PDE10A: variants seen among roughly 807,000 people sequenced by gnomAD.
The protein encoded by PDE10A is phosphodiesterase 10A, also known as cAMP and cAMP-inhibited cGMP 3',5'-cyclic phosphodiesterase 10A.
In PDE10A, 39 loss-of-function variants were observed where a neutral mutation model predicts 97.7. The ratio of observed to expected loss-of-function variants is 0.40; its 90% CI spans 0.31 to 0.52. The LOEUF (loss-of-function observed/expected upper bound fraction) is 0.52. Among genes scored for constraint, PDE10A ranks in the 20% least tolerant of loss-of-function variants. PDE10A has a pLI of 0.56. For missense variants in PDE10A, 731 were observed against 1,047.8 expected, an observed-to-expected ratio of 0.70 and a Z score of 4.17; for synonymous variants, 371 against 376.8, an observed-to-expected ratio of 0.98 and a Z score of 0.18.
intron 1 of PDE10A, among the ~76,000 whole-genome samples, chr6:165,689,928 AT>A (rs1457014298): frequency 6.6e-6 from 1 of 152,200 alleles, no homozygotes; most frequent in Non-Finnish European, 1.5e-5. Flanking sequence ...AGCACTCAGC[AT>A]GTATCCGTGA....
chr6:165,765,278 TG>T (rs1282060187), intron 1 of PDE10A, among the ~76,000 whole-genome samples: 1 of 152,266 alleles, frequency 6.6e-6, no homozygotes, highest in Non-Finnish European at 1.5e-5. Context: ...TCCCACGCCA[TG>T]CGCTCTCACT....
intron 1 of PDE10A, among the ~76,000 whole-genome samples, chr6:165,697,067 A>C (rs1791460464): frequency 6.6e-6 from 1 of 152,192 alleles, no homozygotes. Flanking sequence ...AACATACCCA[A>C]ATACATATCA....
chr6:165,872,697 T>C (rs1781236653), intron 1 of PDE10A, among the ~76,000 whole-genome samples: 1 of 152,180 alleles, frequency 6.6e-6, no homozygotes, highest in African/African-American at 2.4e-5. Flanking sequence ...CAAAAAGCAC[T>C]TTATTTCATA....
Position 165,969,968 on chromosome 6 carries a change from C to T in PDE10A, c.-615+17561G>A, listed in dbSNP as rs74650926. Among the ~76,000 whole-genome samples, 41 of 151,528 alleles carry T rather than the reference C, an allele frequency of 2.7e-4. No homozygotes were observed. In the East Asian group the frequency reaches 6.9e-3, roughly 26 times the overall value. On this transcript the variant is annotated intron_variant, in intron 1 of 19. Coordinates refer to the PDE10A transcript ENST00000366882. ...GACAAAGGGAAAGAGTGTAATTTTA[C>T]AGTGGAGACTGTTGGAAGACACTAA...
At chr6:165,858,530 T>C (rs1780812787) in intron 1 of PDE10A, among the ~76,000 whole-genome samples, 1 of 152,174 alleles carries the variant, frequency 6.6e-6, no homozygotes, top group South Asian at 2.1e-4. Flanking sequence ...TGGGGGTGAG[T>C]GCTCCATCCC....
chr6:165,669,179 ACT>A (rs1344599106), intron 1 of PDE10A, among the ~76,000 whole-genome samples: 1 of 152,166 alleles, frequency 6.6e-6, no homozygotes, highest in African/African-American at 2.4e-5. Flanking sequence ...GAGGAAAATA[ACT>A]CACAGAAGCC....
At chr6:165,335,842 GCCC>G (rs897077090) in intron 21 of PDE10A, among the ~76,000 whole-genome samples, 1 of 151,594 alleles carries the variant, frequency 6.6e-6, no homozygotes, top group Non-Finnish European at 1.5e-5. Flanking sequence ...TCTGGCCCCA[GCCC>G]CCAGCCTGTT....
intron 1 of PDE10A, among the ~76,000 whole-genome samples, chr6:165,622,995 C>T (rs556046572): frequency 4.6e-5 from 7 of 152,294 alleles, no homozygotes; most frequent in African/African-American, 1.4e-4. Flanking sequence ...AGGTGACGCA[C>T]CTGCTCCCGC....
chr6:165,335,059 G>T (rs574550715), intron 21 of PDE10A, among the ~76,000 whole-genome samples: 2 of 152,282 alleles, frequency 1.3e-5, no homozygotes, highest in Non-Finnish European at 1.5e-5. Context: ...ACCTAGAAAA[G>T]ACTCACACGC....
At chr6:165,468,329 C>T (rs1300550749) in intron 3 of PDE10A, among the ~76,000 whole-genome samples, 1 of 151,688 alleles carries the variant, frequency 6.6e-6, no homozygotes, top group Admixed American at 6.6e-5. Context: ...ACCTCGTGAT[C>T]CGCCCGCCTC....
intron 18 of PDE10A, among the ~76,000 whole-genome samples, chr6:165,372,027 AC>A (rs1191929003): frequency 5.5e-4 from 83 of 150,116 alleles, no homozygotes; most frequent in African/African-American, 1.9e-3. Context: ...AAATTCAACA[AC>A]CCTTCATGCT....
intron 1 of PDE10A, among the ~76,000 whole-genome samples, chr6:165,833,724 C>T (rs1779990051): frequency 6.6e-6 from 1 of 152,218 alleles, no homozygotes; most frequent in African/African-American, 2.4e-5. Context: ...TGATCATGCA[C>T]ACCTGGATTG....
chr6:165,875,746 T>TTTTTTTTTTTTTTTTTGTG (rs780504850), intron 1 of PDE10A, among the ~76,000 whole-genome samples: 25 of 147,000 alleles, frequency 1.7e-4, no homozygotes, highest in African/African-American at 5.5e-4. Context: ...TTTTTTTTTT[T>TTTTTTTTTTTTTTTTTGTG]TGTGTGTGTG....
At chr6:165,528,571 G>C (rs680963) in intron 2 of PDE10A, among the ~76,000 whole-genome samples, 1 of 152,052 alleles carries the variant, frequency 6.6e-6, no homozygotes, top group Admixed American at 6.5e-5. Context: ...CAATGGAATA[G>C]ACACTTACTC....
intron 1 of PDE10A, among the ~76,000 whole-genome samples, chr6:165,551,465 CTAAG>C (rs1231920130): frequency 2.0e-5 from 3 of 152,280 alleles, no homozygotes; most frequent in East Asian, 1.9e-4. Flanking sequence ...CCTCAGAGAA[CTAAG>C]TATGTGGCAC....
rs754108870 is a variant in PDE10A at position 165,756,043 on chromosome 6, G to A, written c.-614-212475C>T. Among the ~76,000 whole-genome samples the A allele has an allele frequency of 2.6e-5, 4 of 152,200 alleles. No homozygotes were observed. The East Asian group carries it at 5.8e-4, about 22-fold the overall frequency. On this transcript the variant is annotated intron_variant, in intron 1 of 19. Transcript: ENST00000366882. The stretch of plus-strand genomic sequence containing the variant: ...TGGCTCAGCGTCCTAAACAAATCCC[G>A]CACTGAATGCAGCCCAAACAACTCA...
intron 1 of PDE10A, chr6:165,781,568 T>C (rs758947966): frequency 2.0e-5 from 3 of 152,218 alleles, no homozygotes; most frequent in East Asian, 1.9e-4. Context: ...TTACCTCACA[T>C]GGCAAAGGAG....
intron 1 of PDE10A, among the ~76,000 whole-genome samples, chr6:165,747,759 A>G (rs1409303981): frequency 2.6e-5 from 4 of 152,142 alleles, no homozygotes; most frequent in Non-Finnish European, 5.9e-5. Context: ...GCTGGGCAGG[A>G]CCTGGTGAAG....
upstream of PDE10A, among the ~76,000 whole-genome samples, chr6:165,663,889 A>C (rs546876010): frequency 6.6e-6 from 1 of 152,190 alleles, no homozygotes; most frequent in African/African-American, 2.4e-5. Flanking sequence ...GGCAGTTGCC[A>C]CTGAAGGGAA....
Sources: allele counts gnomAD v4.1 joint callset (sites outside exome capture counted in the v4.1 genomes callset), GRCh38; gene constraint gnomAD v4.1.1; transcripts MANE v1.5; gene names NCBI Gene and HGNC (gene_info 2026-07-23, HGNC 2026-07-21).